PANX3: variants seen among roughly 807,000 people sequenced by gnomAD.
PANX3 encodes pannexin-3.
PANX3 carries 18 observed loss-of-function variants against 31.5 expected under a neutral mutation model. The ratio of observed to expected loss-of-function variants is 0.57; its 90% CI spans 0.39 to 0.85. PANX3 has a LOEUF of 0.85. PANX3 is among the 40% of genes least tolerant of loss of function. The probability of loss-of-function intolerance (pLI) is 0.00; values close to 1 mark genes in which losing one functional copy is unlikely to be tolerated. For synonymous variants in PANX3, 194 were observed against 201.6 expected (o/e 0.96, Z 0.32); for missense variants, 426 against 485.4 (o/e 0.88, Z 1.15).
chr11:124,611,529 C>T lies in PANX3; in HGVS notation c.-28C>T. 1 of 1,577,264 alleles carries T rather than the reference C, an allele frequency of 6.3e-7. No individual in the cohort carries two copies. The highest frequency in any genetic ancestry group is 8.6e-7 in the Non-Finnish European group (1 of 1,156,892). On this transcript the variant is annotated 5_prime_UTR_variant, in exon 1 of 4. Transcript: ENST00000284288. ...CACCATCCCAGGACCCCTGCTGCCA[C>T]CTCTGCACCCCCAAGCTCAGCAGCA...
Position 124,613,104 on chromosome 11 carries a change from A to C in PANX3, c.306A>C (p.Lys102Asn), listed in dbSNP as rs1863111296. 1.2e-6 allele frequency: 2 copies of C among 1,613,504 alleles called. No individual in the cohort carries two copies. The highest frequency in any genetic ancestry group is 2.2e-5 in the South Asian group (2 of 91,066). ...ACGGGCCTGGCCAGGACAAAATGAAATCTCTCTGGCCCCACAAGGTAAAGC... is the reference window on the plus strand; with the variant it reads ...ACGGGCCTGGCCAGGACAAAATGAACTCTCTCTGGCCCCACAAGGTAAAGC... ...KQDGPGQDKMKSLWPHKALPY... is the reference protein window; with the variant it reads ...KQDGPGQDKMNSLWPHKALPY... Residue 102 changes from lysine (K) to asparagine (N), a missense_variant, in exon 2 of 4, where the codon AAA becomes AAC. Coordinates refer to ENST00000284288, the MANE Select transcript of PANX3 (RefSeq NM_052959.3).
chr11:124,613,089 C>G lies in PANX3; in HGVS notation c.291C>G (p.Gly97=), dbSNP rs1863111081. ...SLLHHKQDGP[G]QDKMKSLWPH... is the part of the protein sequence containing the mutation. The stretch of plus-strand genomic sequence containing the variant: ...TTCACCATAAGCAGGACGGGCCTGG[C>G]CAGGACAAAATGAAATCTCTCTGGC... Residue 97 remains glycine (G), a synonymous_variant, in exon 2 of 4, where the codon GGC becomes GGG. Transcript: ENST00000284288. The G allele has an allele frequency of 2.5e-6, 4 of 1,613,932 alleles. No individual in the cohort carries two copies. The highest frequency in any genetic ancestry group is 3.4e-6 in the Non-Finnish European group (4 of 1,179,998).
intron 2 of PANX3, among the ~76,000 whole-genome samples, chr11:124,615,523 C>CA (rs1221699921): frequency 6.6e-6 from 1 of 152,198 alleles, no homozygotes; most frequent in African/African-American, 2.4e-5. Flanking sequence ...GCTCCAGAAT[C>CA]AGACAGCCTA....
At chr11:124,619,209 C>T (rs1863186439) in intron 3 of PANX3, 87 bp from the exon 4 acceptor site, 10 of 1,376,798 alleles carry the variant, frequency 7.3e-6, no homozygotes, top group African/African-American at 1.5e-5. Context: ...ATGTTGAAAA[C>T]AGATCTGTTA....
At position 124,620,000 on chromosome 11, in the gene PANX3, C is replaced by A; in HGVS notation, c.*65C>A. The A allele has an allele frequency of 6.7e-7, 1 of 1,500,356 alleles. No homozygotes were observed. Among genetic ancestry groups the A allele is most frequent in the Non-Finnish European group, 8.9e-7 (1 of 1,117,516 alleles). The allele number at this position is 1,500,356 out of a possible 1,614,324, so 92.9% of individuals were successfully genotyped here. The stretch of plus-strand genomic sequence containing the variant: ...TCTCCTTCCTCATAAGACATGCACA[C>A]TAATACACATACACACCAAAAAATT... On this transcript the variant is annotated 3_prime_UTR_variant, in exon 4 of 4. Transcript: ENST00000284288.
chr11:124,619,190 A>G, intron 3 of PANX3, 106 bp from the exon 4 acceptor site: 2 of 1,238,010 alleles, frequency 1.6e-6, no homozygotes, highest in Non-Finnish European at 2.3e-6. Flanking sequence ...CATGGGAACC[A>G]AGAATGCCAT....
At chr11:124,612,511 T>C (rs1310502471) in intron 1 of PANX3, among the ~76,000 whole-genome samples, 1 of 152,204 alleles carries the variant, frequency 6.6e-6, no homozygotes, top group African/African-American at 2.4e-5. Context: ...TTCTGGAGAA[T>C]GATGTGAAAA....
In PANX3 at chr11:124,611,594, C is replaced by T. The variant is rs200696625; in HGVS notation, c.38C>T (p.Ser13Leu). 4.3e-6 allele frequency: 7 copies of T among 1,614,116 alleles called. No homozygotes were observed. The Admixed American group carries it at 1.0e-4, about 23-fold the overall frequency. The change falls in exon 1 of 4, where the codon TCA becomes TTA. Residue 13 changes from serine to leucine, a missense_variant. Transcript: ENST00000284288. ...LAHTAAEYML[S>L]DALLPDRRGP... is the part of the protein sequence containing the mutation. ...CACACAGCTGCAGAGTACATGCTCT[C>T]AGATGCCCTGCTGCCTGACCGCAGG...
At chr11:124,613,183 C>T in intron 2 of PANX3, 61 bp downstream of exon 2, 1 of 1,562,840 alleles carries the variant, frequency 6.4e-7, no homozygotes, top group Non-Finnish European at 8.7e-7. Flanking sequence ...AGAACCCCTT[C>T]ATTCTACTCC....
In PANX3 at chr11:124,611,619, G is replaced by A. The variant is rs780790461; in HGVS notation, c.63G>A (p.Arg21=). 9 of 1,614,010 alleles carry A rather than the reference G, an allele frequency of 5.6e-6. No homozygotes were observed. In the South Asian group the frequency reaches 9.9e-5, roughly 18 times the overall value. The change falls in exon 1 of 4, where the codon AGG becomes AGA. Residue 21 remains arginine (R), a synonymous_variant. Coordinates refer to ENST00000284288, the MANE Select transcript of PANX3 (RefSeq NM_052959.3). ...MLSDALLPDR[R]GPRLKGLRLE... is the part of the protein sequence containing the mutation. ...CAGATGCCCTGCTGCCTGACCGCAGGGGACCCCGCCTCAAAGGACTGCGTC... is the reference window on the plus strand; with the variant it reads ...CAGATGCCCTGCTGCCTGACCGCAGAGGACCCCGCCTCAAAGGACTGCGTC...
Position 124,619,800 on chromosome 11 carries a change from C to G in PANX3, c.1044C>G (p.Val348=). The G allele has an allele frequency of 6.2e-7, 1 of 1,614,116 alleles. No individual in the cohort carries two copies. Among genetic ancestry groups the G allele is most frequent in the Non-Finnish European group, 8.5e-7 (1 of 1,180,026 alleles). Residue 348 remains valine, a synonymous_variant, in exon 4 of 4, where the codon GTC becomes GTG. Coordinates refer to ENST00000284288, the MANE Select transcript of PANX3 (RefSeq NM_052959.3). ...SELISFSWLS[V]LCVLKDTTTQ... is the part of the protein sequence containing the mutation. ...TCATCTCTTTTAGCTGGCTGAGTGT[C>G]TTATGTGTGTTGAAGGATACAACCA...
Position 124,620,008 on chromosome 11 carries a change from C to T in PANX3, c.*73C>T. The T allele has an allele frequency of 4.1e-6, 6 of 1,450,852 alleles. No homozygotes were observed. Among genetic ancestry groups the T allele is most frequent in the South Asian group, 1.4e-5 (1 of 71,574 alleles). The allele number at this position is 1,450,852 out of a possible 1,614,324, so 89.9% of individuals were successfully genotyped here. The stretch of plus-strand genomic sequence containing the variant: ...CTCATAAGACATGCACACTAATACA[C>T]ATACACACCAAAAAATTACACATTT... On this transcript the variant is annotated 3_prime_UTR_variant, in exon 4 of 4. Coordinates refer to ENST00000284288, the MANE Select transcript of PANX3 (RefSeq NM_052959.3).
chr11:124,611,511 C>T lies in PANX3; in HGVS notation c.-46C>T. The T allele has an allele frequency of 1.9e-6, 3 of 1,552,866 alleles. No homozygotes were observed. The highest frequency in any genetic ancestry group is 1.4e-5 in the African/African-American group (1 of 73,970). ...GCTGCCGTCTCCTCATTCCACCATCCCAGGACCCCTGCTGCCACCTCTGCA... is the reference window on the plus strand; with the variant it reads ...GCTGCCGTCTCCTCATTCCACCATCTCAGGACCCCTGCTGCCACCTCTGCA... On this transcript the variant is annotated 5_prime_UTR_variant, in exon 1 of 4. Coordinates refer to ENST00000284288, the MANE Select transcript of PANX3 (RefSeq NM_052959.3).
At chr11:124,612,937 C>T in intron 1 of PANX3, 43 bp from the exon 2 acceptor site, 2 of 1,606,970 alleles carry the variant, frequency 1.2e-6, no homozygotes, top group Non-Finnish European at 1.7e-6. Context: ...CCCCACTCCT[C>T]CACTCCAACT....
Position 124,617,256 on chromosome 11 carries a change from G to T in PANX3, c.325-18G>T. The T allele has an allele frequency of 6.3e-7, 1 of 1,594,730 alleles. No homozygotes were observed. The highest frequency in any genetic ancestry group is 8.5e-7 in the Non-Finnish European group (1 of 1,175,896). Reference sequence around the variant, plus strand: ...TCAGCAGCCCCGGCCTCCCTCCTCAGCTGCTCTCGCCCTGCAGGCCCTCCC... The same window carrying T: ...TCAGCAGCCCCGGCCTCCCTCCTCATCTGCTCTCGCCCTGCAGGCCCTCCC... On this transcript the variant is annotated intron_variant, in intron 2 of 3. Transcript: ENST00000284288.
chr11:124,613,123 G>A lies in PANX3; in HGVS notation c.324+1G>A, dbSNP rs1205992955. The A allele has an allele frequency of 6.2e-7, 1 of 1,612,934 alleles. No homozygotes were observed. The highest frequency in any genetic ancestry group is 8.5e-7 in the Non-Finnish European group (1 of 1,179,822). ...AATGAAATCTCTCTGGCCCCACAAG[G>A]TAAAGCAAACTCTCTGTAAGGCCAG... On this transcript the variant is annotated splice_donor_variant, in intron 2 of 3. Coordinates refer to ENST00000284288, the MANE Select transcript of PANX3 (RefSeq NM_052959.3). LOFTEE classifies it high-confidence loss of function.
intron 3 of PANX3, among the ~76,000 whole-genome samples, chr11:124,618,649 G>T (rs1026262023): frequency 3.3e-5 from 5 of 152,124 alleles, no homozygotes; most frequent in African/African-American, 1.2e-4. Flanking sequence ...TTTTTTTGGA[G>T]TGGGGGGGTG....
intron 3 of PANX3, among the ~76,000 whole-genome samples, chr11:124,618,542 T>C (rs748547964): frequency 1.4e-4 from 21 of 152,098 alleles, no homozygotes; most frequent in Non-Finnish European, 2.9e-4. Context: ...ACACCAAAGC[T>C]CTCGACAAAC....
Position 124,611,796 on chromosome 11 carries a change from A to G in PANX3, c.181+59A>G, listed in dbSNP as rs76243254. The G allele has an allele frequency of 1.5e-3, 2,394 of 1,551,902 alleles. 46 individuals are homozygous for G. The African/African-American group carries it at 0.029, about 19-fold the overall frequency. Reference sequence around the variant, plus strand: ...GACTCCCCCTCATGTCACTCTCTGCATGGGCTCTGAAGTGAGATGGTGCGC... The same window carrying G: ...GACTCCCCCTCATGTCACTCTCTGCGTGGGCTCTGAAGTGAGATGGTGCGC... On this transcript the variant is annotated intron_variant, in intron 1 of 3. Coordinates refer to ENST00000284288, the MANE Select transcript of PANX3 (RefSeq NM_052959.3).
Sources: allele counts gnomAD v4.1 joint callset (sites outside exome capture counted in the v4.1 genomes callset), GRCh38; gene constraint gnomAD v4.1.1; transcripts MANE v1.5; gene names NCBI Gene and HGNC (gene_info 2026-07-23, HGNC 2026-07-21).